Variants in CPD observed in about 807,000 individuals in gnomAD.
The protein encoded by CPD is carboxypeptidase D.
A neutral mutation model predicts 138.3 loss-of-function variants in CPD; 69 were observed. The observed-to-expected ratio is 0.50, with a 90% confidence interval of 0.41 to 0.61. CPD has a LOEUF of 0.61. Ranked by LOEUF, CPD falls within the 20% of genes least tolerant of loss-of-function variation. The probability of loss-of-function intolerance (pLI) is 0.00; values close to 1 mark genes in which losing one functional copy is unlikely to be tolerated. For synonymous variants in CPD, 651 were observed against 642.1 expected, an observed-to-expected ratio of 1.01 and a Z score of -0.21; for missense variants, 1,432 against 1,733.3, an observed-to-expected ratio of 0.83 and a Z score of 3.09.
At chr17:30,455,495 T>C in intron 15 of CPD, 25 bp downstream of exon 15, 1 of 1,599,108 alleles carries the variant, frequency 6.3e-7, no homozygotes, top group Non-Finnish European at 8.5e-7. Flanking sequence ...ATTTTATATA[T>C]ATACTGTTTA....
intron 7 of CPD, among the ~76,000 whole-genome samples, chr17:30,428,327 T>C (rs1480734677): frequency 1.3e-5 from 2 of 152,208 alleles, no homozygotes; most frequent in African/African-American, 4.8e-5. Flanking sequence ...ATAAACTCAC[T>C]TGAACAAAAT....
At position 30,379,474 on chromosome 17, in the gene CPD, C is replaced by T; in HGVS notation, c.494C>T (p.Pro165Leu). Residue 165 changes from proline to leucine, a missense_variant, in exon 1 of 21, where the codon CCG (proline) becomes CTG (leucine). This residue lies in a region of CPD where 484 missense variants were observed against 477.2 expected (regional missense o/e 1.01). Coordinates refer to ENST00000225719, the MANE Select transcript of CPD (RefSeq NM_001304.5). The surrounding 1 kb of genome is among the most constrained non-coding windows in gnomAD (Gnocchi z 7.0). ...GCGGCCGGCTACCGCCGCGGGGACCCGCGCCTGGTCCGCCTGCTCAACACC... is the reference window on the plus strand; with the variant it reads ...GCGGCCGGCTACCGCCGCGGGGACCTGCGCCTGGTCCGCCTGCTCAACACC... ...ELAAGYRRGD[P>L]RLVRLLNTTD... is the part of the protein sequence containing the mutation. The T allele has an allele frequency of 1.3e-6, 2 of 1,573,338 alleles. No homozygotes were observed. Among genetic ancestry groups the T allele is most frequent in the Non-Finnish European group, 1.7e-6 (2 of 1,165,990 alleles).
In CPD at chr17:30,461,310, A is replaced by T. The variant is rs1274963737; in HGVS notation, c.3629A>T (p.Glu1210Val). 13 of 1,579,426 alleles carry T rather than the reference A, an allele frequency of 8.2e-6. No homozygotes were observed. Among genetic ancestry groups the T allele is most frequent in the African/African-American group, 2.7e-5 (2 of 73,890 alleles). ...NKRSLLSMLV[E>V]VHKGVHGFVK... is the part of the protein sequence containing the mutation. Reference sequence around the variant, plus strand: ...AGATCTCTTCTTAGTATGTTAGTGGAGGTGAGTCTTTTCCTTTTAACTAGA... The same window carrying T: ...AGATCTCTTCTTAGTATGTTAGTGGTGGTGAGTCTTTTCCTTTTAACTAGA... Residue 1210 changes from glutamate to valine, a missense_variant and splice_region_variant, in exon 18 of 21, where the codon GAG becomes GTG. By Grantham distance (121) the Glu-to-Val change is moderately radical (BLOSUM62 -2). This residue lies in a region of CPD where 366 missense variants were observed against 518.8 expected (regional missense o/e 0.71). Coordinates refer to ENST00000225719, the MANE Select transcript of CPD (RefSeq NM_001304.5).
At chr17:30,437,669 A>G (rs553775661) in intron 8 of CPD, among the ~76,000 whole-genome samples, 1 of 152,150 alleles carries the variant, frequency 6.6e-6, no homozygotes, top group Non-Finnish European at 1.5e-5. Flanking sequence ...GCTGGGTGAC[A>G]AACAAGACCC....
chr17:30,442,965 G>T (rs1912917612), intron 10 of CPD, among the ~76,000 whole-genome samples: 1 of 151,796 alleles, frequency 6.6e-6, no homozygotes, highest in South Asian at 2.1e-4. Context: ...GTACATTTCT[G>T]CATTTTTCTT....
chr17:30,438,874 C>A (rs1358711053), intron 8 of CPD, 101 bp from the exon 9 acceptor site: 1 of 668,438 alleles, frequency 1.5e-6, no homozygotes, highest in Non-Finnish European at 2.5e-6. Flanking sequence ...CCTCACATAC[C>A]CTGTTGGAAG....
intron 2 of CPD, among the ~76,000 whole-genome samples, chr17:30,406,024 C>T (rs1450184567): frequency 1.3e-5 from 2 of 151,894 alleles, no homozygotes; most frequent in African/African-American, 2.4e-5. Context: ...TTTGTGATTT[C>T]GTTGCTGGAA....
chr17:30,444,008 G>T, intron 11 of CPD, 37 bp downstream of exon 11: 1 of 1,600,764 alleles, frequency 6.2e-7, no homozygotes, highest in South Asian at 1.1e-5. Context: ...AGTGCTCGGA[G>T]GACAAACATG....
chr17:30,407,653 TGATGGG>T (rs995520845), intron 2 of CPD, among the ~76,000 whole-genome samples: 2 of 152,224 alleles, frequency 1.3e-5, no homozygotes, highest in African/African-American at 4.8e-5. Flanking sequence ...GCCCACTTTT[TGATGGG>T]GTTGTTTGTT....
intron 8 of CPD, among the ~76,000 whole-genome samples, chr17:30,432,671 G>A (rs1248966985): frequency 1.3e-5 from 2 of 152,000 alleles, no homozygotes; most frequent in African/African-American, 4.8e-5. Context: ...CTTTGGTAGG[G>A]CAAGGCAGGA....
At chr17:30,417,957 A>T (rs1912158448) in intron 2 of CPD, among the ~76,000 whole-genome samples, 1 of 152,050 alleles carries the variant, frequency 6.6e-6, no homozygotes, top group Non-Finnish European at 1.5e-5. Flanking sequence ...TGGCCTTATC[A>T]GCCTCATAGC....
In CPD at chr17:30,413,340, T is replaced by C. The variant is rs953787098; in HGVS notation, c.995-7501T>C. Reference sequence around the variant, plus strand: ...ATATGGCTTGGTAGGGATAGGAAAATCAGCATCTTACCCATTTCCTGCCAG... The same window carrying C: ...ATATGGCTTGGTAGGGATAGGAAAACCAGCATCTTACCCATTTCCTGCCAG... On this transcript the variant is annotated intron_variant, in intron 2 of 20. Transcript: ENST00000225719. Among the ~76,000 whole-genome samples, 12 of 152,048 alleles carry C rather than the reference T, an allele frequency of 7.9e-5. No homozygotes were observed. The East Asian group carries it at 2.3e-3, about 29-fold the overall frequency.
chr17:30,416,590 C>CT (rs1912112553), intron 2 of CPD, among the ~76,000 whole-genome samples: 1 of 152,170 alleles, frequency 6.6e-6, no homozygotes, highest in Non-Finnish European at 1.5e-5. Flanking sequence ...GCCATTCTTC[C>CT]TTTGTCTGTT....
At chr17:30,404,493 A>G (rs1359578290) in intron 2 of CPD, among the ~76,000 whole-genome samples, 1 of 152,010 alleles carries the variant, frequency 6.6e-6, no homozygotes, top group African/African-American at 2.4e-5. Context: ...TTTATATCAT[A>G]ATTTACTAAA....
At chr17:30,426,122 C>G (rs548170563) in intron 6 of CPD, among the ~76,000 whole-genome samples, 10 of 150,904 alleles carry the variant, frequency 6.6e-5, no homozygotes, top group African/African-American at 2.4e-4. Context: ...ATGGCGTGAA[C>G]CCAGGAGGCA....
intron 1 of CPD, chr17:30,380,719 A>C: frequency 9.8e-7 from 1 of 1,016,234 alleles, no homozygotes; most frequent in East Asian, 2.8e-5. Context: ...AATAACACGG[A>C]CCATCTCTGT....
chr17:30,431,392 C>T (rs1378700147), intron 7 of CPD, among the ~76,000 whole-genome samples: 1 of 152,138 alleles, frequency 6.6e-6, no homozygotes, highest in African/African-American at 2.4e-5. Context: ...CATTTTCCCC[C>T]ATTCTATAGG....
At chr17:30,391,939 G>C (rs1323641044) in intron 2 of CPD, among the ~76,000 whole-genome samples, 4 of 150,702 alleles carry the variant, frequency 2.7e-5, no homozygotes, top group Non-Finnish European at 5.9e-5. Flanking sequence ...GTAAATAATA[G>C]TCTTTTTGGA....
chr17:30,398,886 C>T (rs1403105731), intron 2 of CPD, among the ~76,000 whole-genome samples: 1 of 147,630 alleles, frequency 6.8e-6, no homozygotes, highest in Non-Finnish European at 1.5e-5. Flanking sequence ...ATTCCTAAAC[C>T]AAAACTTGAA....
Sources: allele counts gnomAD v4.1 joint callset (sites outside exome capture counted in the v4.1 genomes callset), GRCh38; gene constraint gnomAD v4.1.1; regional missense constraint gnomAD v4.1.1; non-coding constraint Gnocchi (gnomAD v3.1); transcripts MANE v1.5; gene names NCBI Gene and HGNC (gene_info 2026-07-23, HGNC 2026-07-21).